Variants in FANCL observed in about 807,000 individuals in gnomAD.
FANCL encodes the protein FA complementation group L, also known as E3 ubiquitin-protein ligase FANCL.
Under a neutral mutation model 59.4 loss-of-function variants are expected in FANCL, and 69 were observed. That is an observed-to-expected ratio of 1.16 (90% CI 0.96 to 1.42). FANCL has a LOEUF of 1.42. Ranked by LOEUF, FANCL falls within the 40% of genes most tolerant of loss-of-function variation. The pLI is 0.00. For synonymous variants in FANCL, 180 were observed against 147.1 expected (o/e 1.22, Z -1.62); for missense variants, 519 against 447.2 (o/e 1.16, Z -1.45).
intron 7 of FANCL, among the ~76,000 whole-genome samples, chr2:58,172,847 G>A (rs571820295): frequency 6.6e-6 from 1 of 152,294 alleles, no homozygotes; most frequent in African/African-American, 2.4e-5. Flanking sequence ...ATGAGCTACA[G>A]GAGGAAATTC....
At chr2:58,174,294 G>C (rs1341391762) in intron 7 of FANCL, among the ~76,000 whole-genome samples, 1 of 152,118 alleles carries the variant, frequency 6.6e-6, no homozygotes, top group African/African-American at 2.4e-5. Context: ...AGACCTAATA[G>C]AAATCTACAG....
intron 7 of FANCL, among the ~76,000 whole-genome samples, chr2:58,193,850 T>C (rs545231552): frequency 7.9e-5 from 12 of 152,280 alleles, no homozygotes; most frequent in African/African-American, 2.6e-4. Flanking sequence ...ACCATTTCCA[T>C]ATACAGTACA....
At chr2:58,199,028 C>CAAA (rs772182737) in intron 6 of FANCL, among the ~76,000 whole-genome samples, 1 of 61,174 alleles carries the variant, frequency 1.6e-5, no homozygotes, top group African/African-American at 5.6e-5. Context: ...ATCTCCATCT[C>CAAA]AAAAAAAAAA....
At chr2:58,200,956 T>C (rs1689952454) in intron 6 of FANCL, among the ~76,000 whole-genome samples, 1 of 151,506 alleles carries the variant, frequency 6.6e-6, no homozygotes, top group South Asian at 2.1e-4. Context: ...TACATTCATG[T>C]GCAAAATCAA....
At chr2:58,172,275 C>A (rs1020816807) in intron 7 of FANCL, among the ~76,000 whole-genome samples, 2 of 152,234 alleles carry the variant, frequency 1.3e-5, no homozygotes, top group Non-Finnish European at 2.9e-5. Flanking sequence ...ACCTGGAGAT[C>A]TGAGAACAGG....
chr2:58,229,807 G>T lies in FANCL; in HGVS notation c.216+7C>A. 1 of 1,597,104 alleles carries T rather than the reference G, an allele frequency of 6.3e-7. No individual in the cohort carries two copies. Among genetic ancestry groups the T allele is most frequent in the South Asian group, 1.1e-5 (1 of 90,692 alleles). On this transcript the variant is annotated splice_region_variant and intron_variant, in intron 3 of 13. Transcript: ENST00000233741. Reference sequence around the variant, plus strand: ...CTGAAAACATAAACCTTTTAAAAAGGACTTACCTGTTGTACTATTCGATGG... The same window carrying T: ...CTGAAAACATAAACCTTTTAAAAAGTACTTACCTGTTGTACTATTCGATGG...
intron 5 of FANCL, among the ~76,000 whole-genome samples, chr2:58,220,032 A>G (rs1236941424): frequency 6.6e-6 from 1 of 152,230 alleles, no homozygotes; most frequent in Non-Finnish European, 1.5e-5. Flanking sequence ...GCTCGGTTCT[A>G]ATATCCATGG....
intron 11 of FANCL, among the ~76,000 whole-genome samples, chr2:58,162,422 G>A (rs1266933525): frequency 6.6e-6 from 1 of 151,832 alleles, no homozygotes; most frequent in African/African-American, 2.4e-5. Flanking sequence ...CGTCACTACT[G>A]AAGACCATGA....
At chr2:58,239,919 C>A (rs781539073) in intron 1 of FANCL, among the ~76,000 whole-genome samples, 2 of 152,076 alleles carry the variant, frequency 1.3e-5, no homozygotes, top group African/African-American at 4.8e-5. Context: ...TTTTTAGACA[C>A]GTAAAATGTT....
chr2:58,235,454 C>G (rs748023476), intron 1 of FANCL, among the ~76,000 whole-genome samples: 32 of 152,122 alleles, frequency 2.1e-4, no homozygotes, highest in Non-Finnish European at 4.3e-4. Flanking sequence ...AAAGTCTGCT[C>G]TGGGTCTACC....
Position 58,163,049 on chromosome 2 carries a change from C to G in FANCL, c.801G>C (p.Leu267=). The change falls in exon 10 of 14, where the codon CTG becomes CTC. Residue 267 remains leucine (L), a synonymous_variant. Coordinates refer to ENST00000233741, the MANE Select transcript of FANCL (RefSeq NM_018062.4). ...CCTACCACAAATGTATGTTCCTGCT[C>G]AGCTTAATTCCCAGGGGTTTTACCA... ...DHVVKPLGIK[L]SRNIHLWDPE... 1 of 1,612,220 alleles carries G rather than the reference C, an allele frequency of 6.2e-7. No homozygotes were observed. The highest frequency in any genetic ancestry group is 1.1e-5 in the South Asian group (1 of 90,996).
intron 7 of FANCL, among the ~76,000 whole-genome samples, chr2:58,182,046 A>G (rs980725401): frequency 1.3e-5 from 2 of 151,836 alleles, no homozygotes; most frequent in Non-Finnish European, 3.0e-5. Flanking sequence ...AATCTTTGAA[A>G]TGTCTATGAT....
At chr2:58,207,852 T>C (rs956719311) in intron 5 of FANCL, among the ~76,000 whole-genome samples, 9 of 151,784 alleles carry the variant, frequency 5.9e-5, no homozygotes, top group African/African-American at 2.2e-4. Context: ...AGCCCAAGAG[T>C]TCAAGACCAG....
At chr2:58,206,194 G>A (rs549752373) in intron 5 of FANCL, among the ~76,000 whole-genome samples, 230 of 151,962 alleles carry the variant, frequency 1.5e-3, no homozygotes, top group African/African-American at 5.4e-3. Context: ...ACGTGAAAGA[G>A]GTTTAAGAAA....
intron 7 of FANCL, among the ~76,000 whole-genome samples, chr2:58,187,102 A>G (rs2105009194): frequency 6.6e-6 from 1 of 152,194 alleles, no homozygotes; most frequent in East Asian, 1.9e-4. Context: ...GTTACTATAA[A>G]AACACATGCA....
At position 58,163,428 on chromosome 2, in the gene FANCL, T is replaced by A. The variant is rs1169977898; in HGVS notation, c.775+6A>T. The A allele has an allele frequency of 6.3e-7, 1 of 1,594,804 alleles. No homozygotes were observed. Among genetic ancestry groups the A allele is most frequent in the Non-Finnish European group, 8.6e-7 (1 of 1,162,842 alleles). On this transcript the variant is annotated splice_donor_region_variant and intron_variant, in intron 9 of 13. Coordinates refer to ENST00000233741, the MANE Select transcript of FANCL (RefSeq NM_018062.4). ...TTAAAAAACGTTTAAATCTCAGATG[T>A]CATACCATGGTCAGCTCCAAGAAAG...
chr2:58,194,158 A>C (rs1689207467), intron 7 of FANCL: 1 of 469,910 alleles, frequency 2.1e-6, no homozygotes, highest in Non-Finnish European at 4.4e-6. Flanking sequence ...ACTACACCAC[A>C]CTGAACCTGA....
At chr2:58,199,072 CAT>C (rs1402490881) in intron 6 of FANCL, among the ~76,000 whole-genome samples, 29 of 147,992 alleles carry the variant, frequency 2.0e-4, no homozygotes, top group Admixed American at 2.0e-3. Context: ...TGGGGGAAAA[CAT>C]ATTATTATAA....
chr2:58,178,533 C>G (rs903517431), intron 7 of FANCL, among the ~76,000 whole-genome samples: 3 of 152,080 alleles, frequency 2.0e-5, no homozygotes, highest in Non-Finnish European at 4.4e-5. Flanking sequence ...ATTCAATACC[C>G]CTTCATGCTA....
Sources: gnomAD v4.1 joint callset for allele counts (sites outside exome capture counted in the v4.1 genomes callset) on GRCh38, gnomAD v4.1.1 for gene constraint, MANE v1.5 for transcripts, NCBI Gene and HGNC (gene_info 2026-07-23, HGNC 2026-07-21) for gene names.